The following DTX2 variants were observed in gnomAD, a reference collection of about 807,000 sequenced individuals.
DTX2 encodes deltex E3 ubiquitin ligase 2.
A neutral mutation model predicts 55.3 loss-of-function variants in DTX2; 29 were observed. The ratio of observed to expected loss-of-function variants is 0.52; its 90% confidence interval spans 0.39 to 0.71. The LOEUF is 0.71. DTX2 is among the 30% of genes least tolerant of loss of function. The pLI is 0.00. For missense variants in DTX2, 537 were observed against 822.5 expected, an observed-to-expected ratio of 0.65 and a Z score of 4.25; for synonymous variants, 276 against 340.4, an observed-to-expected ratio of 0.81 and a Z score of 2.08.
At chr7:76,484,617 C>T (rs535225394) in intron 4 of DTX2, among the ~76,000 whole-genome samples, 62 of 150,468 alleles carry the variant, frequency 4.1e-4, no homozygotes, top group African/African-American at 8.8e-4. Flanking sequence ...CTCCTTTCTC[C>T]GCACTGGCCC....
chr7:76,502,169 G>A (rs1282874569), intron 7 of DTX2, 129 bp from the exon 8 acceptor site: 10 of 844,740 alleles, frequency 1.2e-5, no homozygotes, highest in African/African-American at 1.7e-5. Context: ...GAGCCACTGC[G>A]CCTGGCCTCG....
intron 6 of DTX2, among the ~76,000 whole-genome samples, chr7:76,498,759 C>T (rs1811225108): frequency 1.7e-5 from 1 of 58,910 alleles, no homozygotes; most frequent in Non-Finnish European, 3.0e-5. Flanking sequence ...GCGTTCTCGC[C>T]ACCGTGACAG....
chr7:76,483,726 G>A (rs1378045118), intron 4 of DTX2, among the ~76,000 whole-genome samples: 1 of 151,134 alleles, frequency 6.6e-6, no homozygotes, highest in Non-Finnish European at 1.5e-5. Context: ...ATGATACCAC[G>A]GGCCCAGTGC....
Position 76,493,585 on chromosome 7 carries a change from C to T in DTX2, c.1009+1332C>T, listed in dbSNP as rs1414573118. Among the ~76,000 whole-genome samples the T allele has an allele frequency of 9.6e-5, 8 of 83,468 alleles. 1 individual carries two copies. Among genetic ancestry groups the T allele is most frequent in the East Asian group, 2.8e-4 (1 of 3,580 alleles). 54.8% of individuals were successfully genotyped at this position (83,468 alleles called of 152,430 possible). On this transcript the variant is annotated intron_variant, in intron 5 of 10. Transcript: ENST00000430490. ...TATGTAAGGAGGTGGATGGCGCCAT[C>T]GTTGTTCACAGGGTGATGTGGCGGA... is the stretch of plus-strand genomic sequence containing the variant.
chr7:76,475,209 G>A (rs1808414591), intron 2 of DTX2, among the ~76,000 whole-genome samples: 1 of 151,760 alleles, frequency 6.6e-6, no homozygotes, highest in South Asian at 2.1e-4. Context: ...TACTTGGAAG[G>A]CTGAGGCAGA....
chr7:76,469,427 C>T (rs1199003722), intron 2 of DTX2, among the ~76,000 whole-genome samples: 2 of 107,728 alleles, frequency 1.9e-5, no homozygotes, highest in Non-Finnish European at 3.5e-5. Flanking sequence ...GATTCTCATT[C>T]TGTCGCCCAA....
In DTX2 at chr7:76,480,550, C is replaced by T; in HGVS notation, c.41C>T (p.Thr14Ile). The T allele has an allele frequency of 1.2e-6, 2 of 1,612,048 alleles. No homozygotes were observed. Among genetic ancestry groups the T allele is most frequent in the Non-Finnish European group, 1.7e-6 (2 of 1,179,828 alleles). Residue 14 changes from threonine (T) to isoleucine (I), a missense_variant, in exon 3 of 11, where the codon ACC (threonine) becomes ATC (isoleucine). Physicochemically the swap from Thr to Ile is moderately conservative, Grantham distance 89 (BLOSUM62 -1). Coordinates refer to ENST00000430490, the MANE Select transcript of DTX2 (RefSeq NM_001102594.3). ...AGCCCTTCCCTGGTGCAGGTGTACA[C>T]CAGCCCCGCGGCTGTGGCCGTGTGG... ...APSPSLVQVY[T>I]SPAAVAVWEW...
At chr7:76,483,307 A>G (rs2690583) in intron 4 of DTX2, among the ~76,000 whole-genome samples, 160 bp downstream of exon 4, 129 of 147,832 alleles carry the variant, frequency 8.7e-4, no homozygotes, top group African/African-American at 2.9e-3. Flanking sequence ...TGCCGTGGCC[A>G]TCCAGAGCCT....
intron 3 of DTX2, among the ~76,000 whole-genome samples, chr7:76,482,211 T>A (rs1809310684): frequency 6.7e-6 from 1 of 149,644 alleles, no homozygotes; most frequent in Admixed American, 6.7e-5. Flanking sequence ...CGATTTGAAG[T>A]TAGCTGGGTG....
At chr7:76,465,382 G>A (rs1416091150) in intron 2 of DTX2, among the ~76,000 whole-genome samples, 3 of 112,206 alleles carry the variant, frequency 2.7e-5, no homozygotes, top group Admixed American at 9.8e-5. Context: ...AGGGAAGGGC[G>A]GTATTGTGAT....
chr7:76,505,570 G>T lies in DTX2; in HGVS notation c.1838G>T (p.Gly613Val), dbSNP rs1812255748. 1 of 1,590,922 alleles carries T rather than the reference G, an allele frequency of 6.3e-7. No homozygotes were observed. ...GTGCTGGCTGAGCTGGCTGCCCAGGGGGTGACCGAGGACTGCCTGGAGCAG... is the reference window on the plus strand; with the variant it reads ...GTGCTGGCTGAGCTGGCTGCCCAGGTGGTGACCGAGGACTGCCTGGAGCAG... ...QNVLAELAAQ[G>V]VTEDCLEQQ The change falls in exon 11 of 11, where the codon GGG becomes GTG. Residue 613 changes from glycine (G) to valine (V), a missense_variant. Physicochemically the swap from Gly to Val is moderately radical, Grantham distance 109 (BLOSUM62 -3). This residue lies in a region of DTX2 where 59 missense variants were observed against 54.1 expected (regional missense o/e 1.09). Transcript: ENST00000430490. The surrounding 1 kb of genome is among the most constrained non-coding windows in gnomAD (Gnocchi z 4.4).
chr7:76,502,601 C>T, intron 8 of DTX2, 145 bp downstream of exon 8: 1 of 948,726 alleles, frequency 1.1e-6, no homozygotes, highest in South Asian at 1.7e-5. Flanking sequence ...AGCTTGAAGA[C>T]CTTTCTAAAG....
At chr7:76,502,517 C>T in intron 8 of DTX2, 61 bp downstream of exon 8, 3 of 1,563,336 alleles carry the variant, frequency 1.9e-6, no homozygotes, top group Non-Finnish European at 2.6e-6. Context: ...GAGCTGTCCC[C>T]TGCAGGGGCG....
chr7:76,472,834 C>T (rs1158767602), intron 2 of DTX2, among the ~76,000 whole-genome samples: 1 of 152,144 alleles, frequency 6.6e-6, no homozygotes, highest in Non-Finnish European at 1.5e-5. Context: ...ATGGAGTTTG[C>T]CCTATGCTTC....
chr7:76,494,860 G>A (rs1473432619), intron 5 of DTX2, among the ~76,000 whole-genome samples: 1 of 120,314 alleles, frequency 8.3e-6, no homozygotes, highest in African/African-American at 3.2e-5. Flanking sequence ...CCAGCACCCC[G>A]GAGCCAGAGC....
At chr7:76,502,010 C>T (rs1330028175) in intron 7 of DTX2, 7 of 429,114 alleles carry the variant, frequency 1.6e-5, no homozygotes, top group Non-Finnish European at 2.9e-5. Context: ...CCTCAGCCTC[C>T]CGAGTAGCTG....
intron 2 of DTX2, among the ~76,000 whole-genome samples, chr7:76,466,566 A>G (rs1360906014): frequency 6.7e-6 from 1 of 149,376 alleles, no homozygotes; most frequent in Non-Finnish European, 1.5e-5. Flanking sequence ...TTTATCTTAC[A>G]TGTGTATTTC....
rs747801084 is a variant in DTX2 at position 76,483,167 on chromosome 7, C to G, written c.908+20C>G. 12 of 1,603,012 alleles carry G rather than the reference C, an allele frequency of 7.5e-6. No homozygotes were observed. The South Asian group carries it at 1.3e-4, about 18-fold the overall frequency. On this transcript the variant is annotated intron_variant, in intron 4 of 10. Coordinates refer to ENST00000430490, the MANE Select transcript of DTX2 (RefSeq NM_001102594.3). ...AGTCAGGTATCGTGGGCAACGGCCG[C>G]TCGTTTTGTCTGCCCTGTGTTTCCG... is the stretch of plus-strand genomic sequence containing the variant.
At chr7:76,471,551 C>T (rs1162891046) in intron 2 of DTX2, among the ~76,000 whole-genome samples, 1 of 150,260 alleles carries the variant, frequency 6.7e-6, no homozygotes, top group Non-Finnish European at 1.5e-5. Context: ...TTTAAAGAGA[C>T]AGGGTCTCGC....
Sources: gnomAD v4.1 joint callset for allele counts (sites outside exome capture counted in the v4.1 genomes callset) on GRCh38, gnomAD v4.1.1 for gene constraint, gnomAD v4.1.1 regional missense constraint, Gnocchi (gnomAD v3.1) non-coding constraint, MANE v1.5 for transcripts, NCBI Gene and HGNC (gene_info 2026-07-23, HGNC 2026-07-21) for gene names.